PPFIA2: variants seen among roughly 807,000 people sequenced by gnomAD.
The protein encoded by PPFIA2 is PPFI scaffold protein A2.
In PPFIA2, 46 loss-of-function variants were observed where a neutral mutation model predicts 175.5. The observed-to-expected ratio is 0.26, with a 90% confidence interval of 0.21 to 0.34. PPFIA2 has a LOEUF of 0.34. Among genes scored for constraint, PPFIA2 ranks in the 10% least tolerant of loss-of-function variants. The pLI is 1.00. For missense variants in PPFIA2, 1,179 were observed against 1,506.1 expected (o/e 0.78, Z 3.60); for synonymous variants, 568 against 511.4 (o/e 1.11, Z -1.49).
At chr12:81,551,622 C>G (rs540151975) in intron 4 of PPFIA2, among the ~76,000 whole-genome samples, 1 of 151,620 alleles carries the variant, frequency 6.6e-6, no homozygotes, top group African/African-American at 2.4e-5. Context: ...TGAAATAAAC[C>G]CCCCATGGAT....
At chr12:81,263,438 C>A in intron 30 of PPFIA2, 48 bp from the exon 31 acceptor site, 1 of 1,523,566 alleles carries the variant, frequency 6.6e-7, no homozygotes, top group South Asian at 1.1e-5. Flanking sequence ...GTAAACTAGT[C>A]CATGTGCTTA....
intron 4 of PPFIA2, among the ~76,000 whole-genome samples, chr12:81,668,164 T>C (rs2070718925): frequency 6.6e-6 from 1 of 152,072 alleles, no homozygotes; most frequent in Non-Finnish European, 1.5e-5. Context: ...GTTTATATTC[T>C]TGGCAAAACA....
At chr12:81,366,035 C>CCTTCCTTCCT (rs1566475881) in intron 14 of PPFIA2, among the ~76,000 whole-genome samples, 4 of 101,570 alleles carry the variant, frequency 3.9e-5, no homozygotes, top group East Asian at 3.4e-4. Context: ...CCTTCCTTCC[C>CCTTCCTTCCT]TCCCTCCCTC....
Position 81,259,367 on chromosome 12 carries a change from T to C in PPFIA2, c.*327A>G. ...AAATGCACGGTAATACATAAATGCC[T>C]AGTATATTACAATAAAACATGAAAA... On this transcript the variant is annotated 3_prime_UTR_variant, in exon 33 of 33. Transcript: ENST00000549396. The C allele has an allele frequency of 1.7e-6, 1 of 593,308 alleles. No homozygotes were observed. Among genetic ancestry groups the C allele is most frequent in the African/African-American group, 1.8e-5 (1 of 54,114 alleles). The allele number at this position is 593,308 out of a possible 1,614,324, so 36.8% of individuals were successfully genotyped here.
At chr12:81,449,958 A>G (rs1461644766) in intron 5 of PPFIA2, among the ~76,000 whole-genome samples, 5 of 152,042 alleles carry the variant, frequency 3.3e-5, no homozygotes, top group Admixed American at 6.6e-5. Context: ...GTCCCTACAA[A>G]GGACATGGAC....
At chr12:81,646,236 G>A (rs548829139) in intron 4 of PPFIA2, among the ~76,000 whole-genome samples, 4 of 152,100 alleles carry the variant, frequency 2.6e-5, no homozygotes, top group Non-Finnish European at 5.9e-5. Flanking sequence ...ATTGCTACAG[G>A]GGAAAGGCAG....
intron 4 of PPFIA2, among the ~76,000 whole-genome samples, chr12:81,536,854 T>A (rs2065472287): frequency 6.7e-6 from 1 of 149,806 alleles, no homozygotes; most frequent in African/African-American, 2.4e-5. Context: ...AAGAATTTTT[T>A]TTTTTTAGGT....
chr12:81,629,947 T>C (rs2063171059), intron 4 of PPFIA2, among the ~76,000 whole-genome samples: 1 of 152,208 alleles, frequency 6.6e-6, no homozygotes, highest in Non-Finnish European at 1.5e-5. Context: ...ATTGAAAGAT[T>C]ATCTGGGATT....
chr12:81,753,982 G>C lies in PPFIA2; in HGVS notation c.240C>G (p.Ala80=). The part of the protein sequence containing the change: ...RDSLQRQLNS[A]LPQDIESLTG... ...CTACCAGGAAGCATACCTGTGGCAG[G>C]GCTGAATTGAGCTGTCTCTGGAGTG... Residue 80 remains alanine, a synonymous_variant, in exon 3 of 33, where the codon GCC becomes GCG. Coordinates refer to ENST00000549396, the MANE Select transcript of PPFIA2 (RefSeq NM_003625.5). 1 of 1,613,784 alleles carries C rather than the reference G, an allele frequency of 6.2e-7. No individual in the cohort carries two copies. The highest frequency in any genetic ancestry group is 8.5e-7 in the Non-Finnish European group (1 of 1,179,810).
intron 4 of PPFIA2, among the ~76,000 whole-genome samples, chr12:81,572,816 G>C (rs1455855952): frequency 1.3e-5 from 2 of 151,926 alleles, no homozygotes; most frequent in African/African-American, 4.8e-5. Context: ...GCGAGCCTGA[G>C]ATAGTTGTGT....
At chr12:81,628,040 AT>A (rs1257050993) in intron 4 of PPFIA2, among the ~76,000 whole-genome samples, 1 of 152,200 alleles carries the variant, frequency 6.6e-6, no homozygotes, top group Non-Finnish European at 1.5e-5. Context: ...TTATTTATTA[AT>A]TTTTAAACCA....
intron 23 of PPFIA2, 21 bp from the exon 24 acceptor site, chr12:81,295,056 C>A: frequency 6.2e-7 from 1 of 1,601,004 alleles, no homozygotes. Flanking sequence ...GGAAAAAATA[C>A]ACTAACAAAT....
chr12:81,264,878 ACTT>A (rs2036734646), intron 30 of PPFIA2, among the ~76,000 whole-genome samples: 1 of 152,208 alleles, frequency 6.6e-6, no homozygotes, highest in Admixed American at 6.5e-5. Context: ...AGCCTCTACG[ACTT>A]CTTGATTCTT....
chr12:81,338,388 T>C lies in PPFIA2; in HGVS notation c.2548+792A>G, dbSNP rs2057458180. 2.0e-5 allele frequency among the ~76,000 whole-genome samples: 3 copies of C among 152,110 alleles called. No individual in the cohort carries two copies. The South Asian group carries it at 6.2e-4, about 32-fold the overall frequency. ...GAAATATCACAGATTCTTCTGACAATTATGTAAGTATGTATCATGTATGTA... is the reference window on the plus strand; with the variant it reads ...GAAATATCACAGATTCTTCTGACAACTATGTAAGTATGTATCATGTATGTA... On this transcript the variant is annotated intron_variant, in intron 21 of 32. Transcript: ENST00000549396.
chr12:81,286,746 C>T (rs534925667), intron 24 of PPFIA2, among the ~76,000 whole-genome samples: 4 of 151,848 alleles, frequency 2.6e-5, no homozygotes, highest in East Asian at 1.9e-4. Context: ...TAAGCAAATT[C>T]GAGGCACATA....
chr12:81,265,044 G>C (rs983068758), intron 30 of PPFIA2, among the ~76,000 whole-genome samples: 5 of 151,456 alleles, frequency 3.3e-5, no homozygotes, highest in African/African-American at 1.2e-4. Context: ...TGTAATCCCA[G>C]CATTTTGGGA....
chr12:81,606,831 T>C lies in PPFIA2; in HGVS notation c.303+69960A>G, dbSNP rs557589073. On this transcript the variant is annotated intron_variant, in intron 4 of 32. Coordinates refer to ENST00000549396, the MANE Select transcript of PPFIA2 (RefSeq NM_003625.5). ...CTTTAGTTTAATTAGGTACCATTTG[T>C]CCATTTTTGCTTTTGTTGTAGTTGC... Among the ~76,000 whole-genome samples the C allele has an allele frequency of 9.2e-5, 14 of 152,292 alleles. 1 individual carries two copies. Among genetic ancestry groups the C allele is most frequent in the South Asian group, 4.1e-4 (2 of 4,834 alleles).
chr12:81,378,880 T>C (rs1007830309), intron 9 of PPFIA2, among the ~76,000 whole-genome samples: 3 of 152,214 alleles, frequency 2.0e-5, no homozygotes, highest in Admixed American at 6.6e-5. Flanking sequence ...ACCTTCTTCA[T>C]ATATTGTGTG....
chr12:81,369,550 AT>A, intron 11 of PPFIA2: 1 of 692,382 alleles, frequency 1.4e-6, no homozygotes, highest in Non-Finnish European at 1.9e-6. Context: ...AAGTAACATA[AT>A]TTTTATAAAT....
Sources: allele counts gnomAD v4.1 joint callset (sites outside exome capture counted in the v4.1 genomes callset), GRCh38; gene constraint gnomAD v4.1.1; transcripts MANE v1.5; gene names NCBI Gene and HGNC (gene_info 2026-07-23, HGNC 2026-07-21).